ATP8A2: variants seen among roughly 807,000 people sequenced by gnomAD.
ATP8A2 encodes the protein ATPase phospholipid transporting 8A2, also known as phospholipid-transporting ATPase IB.
A neutral mutation model predicts 165.6 loss-of-function variants in ATP8A2; 100 were observed. The ratio of observed to expected loss-of-function variants is 0.60; its 90% CI spans 0.51 to 0.71. The LOEUF (loss-of-function observed/expected upper bound fraction) is 0.71. ATP8A2 is among the 30% of genes least tolerant of loss of function. The pLI is 0.00. For missense variants in ATP8A2, 1,227 were observed against 1,479.5 expected (o/e 0.83, Z 2.80); for synonymous variants, 543 against 548.8 (o/e 0.99, Z 0.15).
chr13:25,394,205 C>T (rs2033342962), intron 1 of ATP8A2, among the ~76,000 whole-genome samples: 1 of 152,110 alleles, frequency 6.6e-6, no homozygotes, highest in African/African-American at 2.4e-5. Context: ...TTGGCTTGTT[C>T]TCTATAGTGT....
At chr13:25,693,596 ATGTAACTCAAAG>A (rs2042773487) in intron 24 of ATP8A2, among the ~76,000 whole-genome samples, 1 of 152,168 alleles carries the variant, frequency 6.6e-6, no homozygotes, top group Non-Finnish European at 1.5e-5. Flanking sequence ...TTCAAGCAAA[ATGTAACTCAAAG>A]TGTACCAGTA....
At chr13:25,877,481 A>G (rs913135666) in intron 33 of ATP8A2, among the ~76,000 whole-genome samples, 6 of 152,110 alleles carry the variant, frequency 3.9e-5, no homozygotes, top group African/African-American at 1.4e-4. Flanking sequence ...ACTTTGTTTC[A>G]TTGAGTTGTT....
intron 33 of ATP8A2, among the ~76,000 whole-genome samples, chr13:25,875,884 C>T (rs574941384): frequency 9.9e-5 from 15 of 152,170 alleles, no homozygotes; most frequent in African/African-American, 3.1e-4. Flanking sequence ...GGAAGTACTA[C>T]GCTAATCATT....
intron 33 of ATP8A2, among the ~76,000 whole-genome samples, chr13:25,883,419 A>C (rs1466485058): frequency 1.3e-5 from 2 of 151,460 alleles, no homozygotes; most frequent in Non-Finnish European, 2.9e-5. Context: ...ACTCCATCTC[A>C]AAAAAAGGAA....
At chr13:25,607,443 C>A (rs1447708836) in intron 24 of ATP8A2, among the ~76,000 whole-genome samples, 24 of 152,028 alleles carry the variant, frequency 1.6e-4, no homozygotes. Context: ...CTGGATAAAC[C>A]CATTGTAAGT....
At chr13:25,524,883 A>G (rs1464649703) in intron 2 of ATP8A2, among the ~76,000 whole-genome samples, 1 of 138,884 alleles carries the variant, frequency 7.2e-6, no homozygotes, top group Non-Finnish European at 1.5e-5. Flanking sequence ...TCATTGTTTG[A>G]TAACTTCCTT....
At chr13:25,899,386 T>C (rs1463527565) in intron 33 of ATP8A2, among the ~76,000 whole-genome samples, 1 of 152,206 alleles carries the variant, frequency 6.6e-6, no homozygotes. Context: ...GTCTGACAAA[T>C]TGAGAATATA....
intron 24 of ATP8A2, among the ~76,000 whole-genome samples, chr13:25,691,345 T>C (rs530844117): frequency 3.9e-5 from 6 of 152,370 alleles, no homozygotes; most frequent in African/African-American, 4.8e-5. Flanking sequence ...TTATTGTATG[T>C]CAGTTAATAA....
At chr13:25,517,453 C>T (rs1223885189) in intron 2 of ATP8A2, among the ~76,000 whole-genome samples, 1 of 152,122 alleles carries the variant, frequency 6.6e-6, no homozygotes, top group East Asian at 1.9e-4. Flanking sequence ...TGTTTCATGT[C>T]CATAGTTATT....
chr13:25,385,459 T>C (rs948978234), intron 1 of ATP8A2, among the ~76,000 whole-genome samples: 4 of 152,210 alleles, frequency 2.6e-5, no homozygotes, highest in African/African-American at 9.6e-5. Context: ...AGATAACATA[T>C]ATAAAGCACT....
chr13:25,927,389 A>G, intron 33 of ATP8A2: 2 of 352,592 alleles, frequency 5.7e-6, no homozygotes, highest in South Asian at 4.3e-5. Flanking sequence ...ATGATTCCCA[A>G]TCTCAAAATA....
At chr13:25,387,041 T>A (rs1057165760) in intron 1 of ATP8A2, among the ~76,000 whole-genome samples, 1 of 152,174 alleles carries the variant, frequency 6.6e-6, no homozygotes, top group African/African-American at 2.4e-5. Flanking sequence ...ATTCAGTCAC[T>A]TCTCTCTGGA....
At chr13:25,763,032 A>G (rs943111420) in intron 25 of ATP8A2, among the ~76,000 whole-genome samples, 1 of 152,162 alleles carries the variant, frequency 6.6e-6, no homozygotes. Flanking sequence ...GATTCCGAGA[A>G]ATGCTTCCAT....
At chr13:25,975,507 G>A (rs533699406) in intron 35 of ATP8A2, among the ~76,000 whole-genome samples, 59 of 152,002 alleles carry the variant, frequency 3.9e-4, no homozygotes, top group African/African-American at 1.1e-3. Flanking sequence ...GCGTGAACCC[G>A]AGAGGCGGAG....
At chr13:25,816,991 T>C (rs1038347440) in intron 27 of ATP8A2, among the ~76,000 whole-genome samples, 3 of 152,208 alleles carry the variant, frequency 2.0e-5, no homozygotes, top group African/African-American at 7.2e-5. Context: ...CCATAGATCC[T>C]GTCCATAAAT....
intron 24 of ATP8A2, among the ~76,000 whole-genome samples, chr13:25,695,206 C>T (rs975273330): frequency 4.6e-5 from 7 of 151,400 alleles, no homozygotes; most frequent in East Asian, 1.9e-4. Flanking sequence ...AAGTGTGCAA[C>T]AGCATCACAT....
At chr13:25,596,524 A>G (rs1389803301) in intron 24 of ATP8A2, among the ~76,000 whole-genome samples, 2 of 152,142 alleles carry the variant, frequency 1.3e-5, no homozygotes, top group African/African-American at 4.8e-5. Context: ...TCATATGAAG[A>G]CTGTCTTTTT....
chr13:25,839,646 C>G, intron 30 of ATP8A2, 22 bp downstream of exon 30: 1 of 1,603,596 alleles, frequency 6.2e-7, no homozygotes, highest in African/African-American at 1.3e-5. Context: ...GTGATTTCAC[C>G]TGTCAGCAAG....
At chr13:25,532,366 A>C in intron 5 of ATP8A2, 49 bp downstream of exon 5, 1 of 1,355,716 alleles carries the variant, frequency 7.4e-7, no homozygotes, top group Non-Finnish European at 1.0e-6. Context: ...CTTAAGAATA[A>C]GGCCTGCATT....
Sources: allele counts gnomAD v4.1 joint callset (sites outside exome capture counted in the v4.1 genomes callset), GRCh38; gene constraint gnomAD v4.1.1; transcripts MANE v1.5; gene names NCBI Gene and HGNC (gene_info 2026-07-23, HGNC 2026-07-21).